Variants in HMG20A observed in about 807,000 individuals in gnomAD.
The protein encoded by HMG20A is high mobility group 20A, also known as high mobility group protein 20A.
In HMG20A, 17 loss-of-function variants were observed where a neutral mutation model predicts 43.9. The ratio of observed to expected loss-of-function variants is 0.39; its 90% CI spans 0.27 to 0.58. The LOEUF is 0.58. HMG20A is among the 20% of genes least tolerant of loss of function. The probability of loss-of-function intolerance (pLI) is 0.59; values close to 1 mark genes in which losing one functional copy is unlikely to be tolerated. For missense variants in HMG20A, 341 were observed against 438.2 expected, an observed-to-expected ratio of 0.78 and a Z score of 1.98; for synonymous variants, 132 against 147.5, an observed-to-expected ratio of 0.89 and a Z score of 0.76.
intron 1 of HMG20A, among the ~76,000 whole-genome samples, chr15:77,449,080 C>A (rs1161153447): frequency 5.9e-5 from 9 of 151,768 alleles, no homozygotes; most frequent in African/African-American, 2.2e-4. Flanking sequence ...AAATAAAGAT[C>A]AATAATAGTC....
At chr15:77,468,011 A>C (rs2072772339) in intron 4 of HMG20A, among the ~76,000 whole-genome samples, 1 of 152,246 alleles carries the variant, frequency 6.6e-6, no homozygotes, top group Non-Finnish European at 1.5e-5. Flanking sequence ...AAACTCTTTT[A>C]TGACTTACAC....
chr15:77,447,313 T>C (rs2073684880), intron 1 of HMG20A, among the ~76,000 whole-genome samples: 1 of 152,196 alleles, frequency 6.6e-6, no homozygotes, highest in African/African-American at 2.4e-5. Flanking sequence ...AAATTTTGCT[T>C]TGGAAGAGGA....
intron 2 of HMG20A, among the ~76,000 whole-genome samples, chr15:77,460,007 A>G (rs975027994): frequency 1.3e-5 from 2 of 152,192 alleles, no homozygotes; most frequent in African/African-American, 4.8e-5. Context: ...TTCACACAGA[A>G]TTATATGATC....
intron 5 of HMG20A, 63 bp from the exon 6 acceptor site, chr15:77,471,720 A>T: frequency 1.0e-6 from 1 of 1,001,664 alleles, no homozygotes; most frequent in Non-Finnish European, 1.6e-6. Flanking sequence ...AGAGTCGTAT[A>T]CTTGGGTTTT....
Position 77,438,646 on chromosome 15 carries a change from G to A in HMG20A, c.-5+17642G>A, listed in dbSNP as rs569130375. 7.9e-5 allele frequency among the ~76,000 whole-genome samples: 12 copies of A among 152,232 alleles called. No homozygotes were observed. The South Asian group carries it at 2.5e-3, about 32-fold the overall frequency. ...GAAGCTGGTTTTAATACAATAAGAT[G>A]CTTAATTGTACGTTTGGTAGAAAAT... is the stretch of plus-strand genomic sequence containing the variant. On this transcript the variant is annotated intron_variant, in intron 1 of 9. Coordinates refer to ENST00000336216, the MANE Select transcript of HMG20A (RefSeq NM_001304504.2).
rs71145829 is a variant in HMG20A at position 77,428,977 on chromosome 15, A to AT, written c.-5+7973_-5+7974insT. ...GACTCTGTCTCAAAAAAAAAAAAAA[A>AT]GGAGGGGGGAGCCTCTAGAACATAG... On this transcript the variant is annotated intron_variant, in intron 1 of 9. Transcript: ENST00000336216. Among the ~76,000 whole-genome samples the AT allele has an allele frequency of 5.6e-4, 84 of 150,588 alleles. 1 individual carries two copies. Among genetic ancestry groups the AT allele is most frequent in the East Asian group, 2.3e-3 (12 of 5,146 alleles).
intron 6 of HMG20A, among the ~76,000 whole-genome samples, chr15:77,476,088 T>C (rs892998486): frequency 6.6e-6 from 1 of 152,218 alleles, no homozygotes; most frequent in Non-Finnish European, 1.5e-5. Flanking sequence ...GCGGCCACCG[T>C]TATGAATACA....
chr15:77,446,112 C>T (rs2073671017), intron 1 of HMG20A, among the ~76,000 whole-genome samples: 1 of 152,152 alleles, frequency 6.6e-6, no homozygotes, highest in Non-Finnish European at 1.5e-5. Flanking sequence ...TGTGGTCCTT[C>T]TCAGGTGTTT....
chr15:77,513,816 C>T, the HMG20A span, among the ~76,000 whole-genome samples: 24 of 152,016 alleles, frequency 1.6e-4, no homozygotes, highest in African/African-American at 5.1e-4. Flanking sequence ...ACCTCCACCT[C>T]CCGGGTTCAA....
intron 1 of HMG20A, among the ~76,000 whole-genome samples, chr15:77,434,130 A>T (rs1042020853): frequency 6.6e-6 from 1 of 152,150 alleles, no homozygotes; most frequent in African/African-American, 2.4e-5. Context: ...TAGGGGAGGG[A>T]TGGATTTTTC....
the HMG20A span, among the ~76,000 whole-genome samples, chr15:77,504,505 A>G: frequency 2.7e-4 from 41 of 152,208 alleles, no homozygotes; most frequent in African/African-American, 8.7e-4. Flanking sequence ...CTGGCCTCTC[A>G]AGGGTAATTG....
chr15:77,506,504 C>T, the HMG20A span, among the ~76,000 whole-genome samples: 2 of 152,202 alleles, frequency 1.3e-5, no homozygotes, highest in African/African-American at 2.4e-5. Context: ...TCTTGACTCC[C>T]TGTTCTTGCT....
intron 1 of HMG20A, among the ~76,000 whole-genome samples, chr15:77,449,728 C>G (rs1012395882): frequency 6.9e-6 from 1 of 144,504 alleles, no homozygotes; most frequent in Admixed American, 6.7e-5. Flanking sequence ...CCTGTCCCCC[C>G]ACACACACAG....
chr15:77,445,876 A>G (rs979877978), intron 1 of HMG20A, among the ~76,000 whole-genome samples: 31 of 152,222 alleles, frequency 2.0e-4, no homozygotes, highest in African/African-American at 7.2e-4. Flanking sequence ...AGAACAGTGT[A>G]TAACTTAAAA....
chr15:77,449,042 C>A (rs768076294), intron 1 of HMG20A, among the ~76,000 whole-genome samples: 2 of 151,430 alleles, frequency 1.3e-5, no homozygotes, highest in Admixed American at 1.3e-4. Flanking sequence ...GAGTGAGGCT[C>A]GTCTCAAAAA....
At chr15:77,505,337 C>T in the HMG20A span, among the ~76,000 whole-genome samples, 1 of 152,256 alleles carries the variant, frequency 6.6e-6, no homozygotes, top group Non-Finnish European at 1.5e-5. Context: ...AGAGCTGATG[C>T]AGCTCAGACA....
At chr15:77,441,837 A>G (rs2073616405) in intron 1 of HMG20A, among the ~76,000 whole-genome samples, 1 of 152,178 alleles carries the variant, frequency 6.6e-6, no homozygotes, top group Non-Finnish European at 1.5e-5. Flanking sequence ...CCAGGGCCAA[A>G]TTAAATATTT....
intron 4 of HMG20A, among the ~76,000 whole-genome samples, chr15:77,467,809 A>G (rs1209666408): frequency 1.3e-5 from 2 of 152,234 alleles, no homozygotes; most frequent in Non-Finnish European, 2.9e-5. Flanking sequence ...TAAGACAGAA[A>G]CTAACCTGAT....
At chr15:77,498,605 C>T in the HMG20A span, among the ~76,000 whole-genome samples, 1 of 152,200 alleles carries the variant, frequency 6.6e-6, no homozygotes, top group Non-Finnish European at 1.5e-5. Context: ...CTGGGGTTCA[C>T]ATCCGGTTCT....
Sources: gnomAD v4.1 joint callset for allele counts (sites outside exome capture counted in the v4.1 genomes callset) on GRCh38, gnomAD v4.1.1 for gene constraint, MANE v1.5 for transcripts, NCBI Gene and HGNC (gene_info 2026-07-23, HGNC 2026-07-21) for gene names.